The following FGF14 variants were observed in gnomAD, a reference collection of about 807,000 sequenced individuals.
FGF14 encodes the protein fibroblast growth factor homologous factor 4.
Under a neutral mutation model 25.5 loss-of-function variants are expected in FGF14, and 5 were observed. The observed-to-expected ratio is 0.20, with a 90% CI of 0.10 to 0.41. FGF14 has a LOEUF of 0.41. FGF14 is among the 10% of genes least tolerant of loss of function. The probability of loss-of-function intolerance (pLI) is 1.00; values close to 1 mark genes in which losing one functional copy is unlikely to be tolerated. For missense variants in FGF14, 222 were observed against 320.1 expected (o/e 0.69, Z 2.34); for synonymous variants, 138 against 118.3 (o/e 1.17, Z -1.08).
intron 3 of FGF14, among the ~76,000 whole-genome samples, chr13:101,768,291 C>T (rs1001627552): frequency 1.3e-5 from 2 of 152,042 alleles, no homozygotes; most frequent in Non-Finnish European, 2.9e-5. Flanking sequence ...ATGAGGAGAA[C>T]TGTAAGGCTC....
intron 1 of FGF14, among the ~76,000 whole-genome samples, chr13:102,153,866 C>CTTACTA (rs563239082): frequency 2.6e-4 from 39 of 152,160 alleles, no homozygotes; most frequent in Non-Finnish European, 4.1e-4. Flanking sequence ...TTAATAACCT[C>CTTACTA]TTACTACACC....
intron 1 of FGF14, among the ~76,000 whole-genome samples, chr13:102,235,996 A>AACATAAAT (rs2051310644): frequency 6.6e-6 from 1 of 152,276 alleles, no homozygotes; most frequent in Admixed American, 6.5e-5. Flanking sequence ...TAAAGATAGT[A>AACATAAAT]ACATAAATTC....
intron 1 of FGF14, among the ~76,000 whole-genome samples, chr13:102,383,225 A>C (rs562179938): frequency 0.052 from 3,638 of 70,458 alleles, 153 homozygotes; most frequent in African/African-American, 0.31. Context: ...TCTTACATAA[A>C]AATATGTTAT....
chr13:102,378,661 A>C (rs1222787975), intron 1 of FGF14, among the ~76,000 whole-genome samples: 1 of 150,078 alleles, frequency 6.7e-6, no homozygotes, highest in Non-Finnish European at 1.5e-5. Context: ...TCTTTTAATC[A>C]CTACATATTT....
At chr13:101,927,624 C>A (rs2034453348) in intron 1 of FGF14, among the ~76,000 whole-genome samples, 1 of 152,180 alleles carries the variant, frequency 6.6e-6, no homozygotes, top group Non-Finnish European at 1.5e-5. Context: ...CTCTAATTCC[C>A]AGCTCTTTGT....
At chr13:102,128,862 C>T (rs2046061309) in intron 1 of FGF14, among the ~76,000 whole-genome samples, 2 of 152,116 alleles carry the variant, frequency 1.3e-5, no homozygotes, top group Non-Finnish European at 2.9e-5. Flanking sequence ...GCAGGCGGAT[C>T]ACTTGAGGTC....
intron 1 of FGF14, among the ~76,000 whole-genome samples, chr13:102,007,813 A>C (rs1305993463): frequency 6.6e-6 from 1 of 152,216 alleles, no homozygotes; most frequent in Non-Finnish European, 1.5e-5. Flanking sequence ...TGTCTTTTAG[A>C]TAATATAATA....
chr13:101,841,285 T>C (rs1287971447), intron 3 of FGF14, among the ~76,000 whole-genome samples: 1 of 151,996 alleles, frequency 6.6e-6, no homozygotes, highest in Non-Finnish European at 1.5e-5. Context: ...AAGGGGATAG[T>C]GGTTTACCAG....
intron 1 of FGF14, among the ~76,000 whole-genome samples, chr13:102,365,232 G>T (rs372302991): frequency 6.6e-6 from 1 of 151,920 alleles, no homozygotes; most frequent in African/African-American, 2.4e-5. Flanking sequence ...AATCGGGAAA[G>T]TCCACACACA....
intron 1 of FGF14, among the ~76,000 whole-genome samples, chr13:102,227,587 CT>C (rs1469032274): frequency 2.0e-5 from 3 of 152,158 alleles, no homozygotes; most frequent in African/African-American, 7.2e-5. Flanking sequence ...ATGAATATTA[CT>C]CTACATCACA....
chr13:101,881,170 T>C (rs1049823589), intron 1 of FGF14, among the ~76,000 whole-genome samples: 7 of 152,200 alleles, frequency 4.6e-5, no homozygotes, highest in African/African-American at 2.4e-5. Flanking sequence ...TATCTTGGGA[T>C]TCCTAGCCCA....
At chr13:101,791,518 T>C (rs369882480) in intron 3 of FGF14, among the ~76,000 whole-genome samples, 18 of 152,296 alleles carry the variant, frequency 1.2e-4, no homozygotes, top group Admixed American at 4.6e-4. Context: ...ACCTACTCAT[T>C]AGTAAAGGCT....
intron 1 of FGF14, among the ~76,000 whole-genome samples, chr13:102,338,624 A>C (rs1209772992): frequency 6.6e-6 from 1 of 152,222 alleles, no homozygotes; most frequent in Non-Finnish European, 1.5e-5. Flanking sequence ...GAGAAACAAA[A>C]CTGAAAAATT....
intron 1 of FGF14, among the ~76,000 whole-genome samples, chr13:102,161,614 AAGAAGAAGAAGAAGAAGAAGAAG>A (rs2047691314): frequency 1.9e-4 from 1 of 5,342 alleles, no homozygotes; most frequent in Non-Finnish European, 3.5e-4. Flanking sequence ...GAAGAAGAAG[AAGAAGAAGAAGAAGAAGAAGAAG>A]AAGAAGAAGA....
intron 1 of FGF14, among the ~76,000 whole-genome samples, chr13:102,174,246 T>C (rs1006569856): frequency 8.6e-5 from 13 of 151,668 alleles, no homozygotes; most frequent in Admixed American, 2.0e-4. Flanking sequence ...GCAATTCTCC[T>C]ACCTCAGTCT....
At chr13:102,207,893 C>T (rs949540277) in intron 1 of FGF14, among the ~76,000 whole-genome samples, 5 of 152,186 alleles carry the variant, frequency 3.3e-5, no homozygotes, top group Non-Finnish European at 7.3e-5. Flanking sequence ...CCTCCATCTA[C>T]ACTACATTCC....
chr13:102,268,566 T>C (rs1407542267), intron 1 of FGF14, among the ~76,000 whole-genome samples: 1 of 151,404 alleles, frequency 6.6e-6, no homozygotes, highest in Non-Finnish European at 1.5e-5. Flanking sequence ...CTCAATAGAG[T>C]TTCTAATAAA....
At position 102,152,539 on chromosome 13, in the gene FGF14, C is replaced by T. The variant is rs146134758; in HGVS notation, c.208+248932G>A. ...CTGGTGACCTAATTTTGACTTAATA[C>T]CTATCTCCGAATACAGTTGCATTTT... On this transcript the variant is annotated intron_variant, in intron 1 of 4. Coordinates refer to the FGF14 transcript ENST00000376131. Among the ~76,000 whole-genome samples, 583 of 152,270 alleles carry T rather than the reference C, an allele frequency of 3.8e-3. 2 individuals carry two copies. Among genetic ancestry groups the T allele is most frequent in the Middle Eastern group, 0.014 (4 of 294 alleles).
chr13:101,879,927 T>G (rs2045607015), intron 1 of FGF14, among the ~76,000 whole-genome samples: 1 of 152,150 alleles, frequency 6.6e-6, no homozygotes. Context: ...AAATAAACTG[T>G]GTCCAGGAAC....
Sources: gnomAD v4.1 joint callset for allele counts (sites outside exome capture counted in the v4.1 genomes callset) on GRCh38, gnomAD v4.1.1 for gene constraint, MANE v1.5 for transcripts, NCBI Gene and HGNC (gene_info 2026-07-23, HGNC 2026-07-21) for gene names.